CUX2: variants seen among roughly 807,000 people sequenced by gnomAD.
The protein encoded by CUX2 is homeobox protein cut-like 2.
In CUX2, 40 loss-of-function variants were observed where a neutral mutation model predicts 144.8. The observed-to-expected ratio is 0.28, with a 90% CI of 0.21 to 0.36. The LOEUF is 0.36. CUX2 is among the 10% of genes least tolerant of loss of function. CUX2 has a pLI of 1.00. For synonymous variants in CUX2, 827 were observed against 875.6 expected, an observed-to-expected ratio of 0.94 and a Z score of 0.98; for missense variants, 1,615 against 1,994.0, an observed-to-expected ratio of 0.81 and a Z score of 3.62.
At chr12:111,085,874 G>A (rs903951407) in intron 1 of CUX2, among the ~76,000 whole-genome samples, 3 of 152,208 alleles carry the variant, frequency 2.0e-5, no homozygotes, top group African/African-American at 7.2e-5. Context: ...GGCTTACACA[G>A]GGCAGATGCT....
At chr12:111,319,044 T>C (rs568918236) in intron 16 of CUX2, among the ~76,000 whole-genome samples, 1 of 152,030 alleles carries the variant, frequency 6.6e-6, no homozygotes, top group South Asian at 2.1e-4. Flanking sequence ...CTGGGCACAG[T>C]GGCTCGAGCC....
intron 1 of CUX2, among the ~76,000 whole-genome samples, chr12:111,121,129 A>G (rs1874635722): frequency 6.6e-6 from 1 of 151,402 alleles, no homozygotes; most frequent in African/African-American, 2.4e-5. Flanking sequence ...ACAACCCACA[A>G]CTAACTCGAT....
In CUX2 at chr12:111,192,481, G is replaced by A. The variant is rs116782025; in HGVS notation, c.64-21719G>A. 7.1e-3 allele frequency among the ~76,000 whole-genome samples: 1,078 copies of A among 152,084 alleles called. 17 individuals are homozygous for A. Among genetic ancestry groups the A allele is most frequent in the African/African-American group, 0.025 (1,020 of 41,470 alleles). On this transcript the variant is annotated intron_variant, in intron 1 of 21. Coordinates refer to ENST00000261726, the MANE Select transcript of CUX2 (RefSeq NM_015267.4). ...GCTCCTCCAGCCCTTTCTTTTCCCC[G>A]AGAACTACATAACCTGCCTTCCAGC...
At chr12:111,196,103 A>T (rs1266977649) in intron 1 of CUX2, among the ~76,000 whole-genome samples, 4 of 152,180 alleles carry the variant, frequency 2.6e-5, no homozygotes, top group African/African-American at 9.7e-5. Context: ...TACAAATGGG[A>T]TTATACAATC....
intron 3 of CUX2, among the ~76,000 whole-genome samples, chr12:111,229,033 T>C (rs1454231177): frequency 6.6e-6 from 1 of 152,106 alleles, no homozygotes; most frequent in African/African-American, 2.4e-5. Flanking sequence ...AGGTAATAGA[T>C]ATAAAGGCGT....
At chr12:111,114,946 G>A (rs575300937) in intron 1 of CUX2, among the ~76,000 whole-genome samples, 51 of 152,258 alleles carry the variant, frequency 3.3e-4, no homozygotes, top group African/African-American at 1.2e-3. Context: ...CCATTGTTTT[G>A]ATTCCTTTAT....
At chr12:111,303,221 GAAAAA>G (rs5800927) in intron 9 of CUX2, among the ~76,000 whole-genome samples, 3,042 of 49,214 alleles carry the variant, frequency 0.062, 66 homozygotes, top group East Asian at 0.15. Context: ...ACCCTGTCTC[GAAAAA>G]AAAAAAAAAA....
intron 9 of CUX2, among the ~76,000 whole-genome samples, chr12:111,301,296 GA>G (rs1886280470): frequency 6.6e-6 from 1 of 152,128 alleles, no homozygotes; most frequent in Non-Finnish European, 1.5e-5. Context: ...CCTGGGGTGA[GA>G]AAATGAGAAC....
At position 111,334,556 on chromosome 12, in the gene CUX2, G is replaced by T. The variant is rs1182462754; in HGVS notation, c.3042G>T (p.Gln1014His). Residue 1014 changes from glutamine to histidine, a missense_variant, in exon 19 of 22, where the codon CAG (glutamine) becomes CAT (histidine). Transcript: ENST00000261726. The part of the protein sequence containing the change: ...LSLESSKENQ[Q>H]PEGRSSSSLS... ...TGGAGAGCAGCAAGGAGAACCAGCA[G>T]CCAGAGGGCCGCTCCAGCTCCTCGT... 6.2e-7 allele frequency: 1 copy of T among 1,613,884 alleles called. No homozygotes were observed. The highest frequency in any genetic ancestry group is 8.5e-7 in the Non-Finnish European group (1 of 1,180,022).
chr12:111,328,474 T>C (rs1027803943), intron 18 of CUX2, among the ~76,000 whole-genome samples: 2 of 152,088 alleles, frequency 1.3e-5, no homozygotes, highest in African/African-American at 4.8e-5. Context: ...ATCCGAGGTT[T>C]CTCAGAATTC....
At chr12:111,275,077 A>G (rs1884802181) in intron 4 of CUX2, among the ~76,000 whole-genome samples, 1 of 152,120 alleles carries the variant, frequency 6.6e-6, no homozygotes, top group South Asian at 2.1e-4. Flanking sequence ...TGGTCTTCAG[A>G]TATTATCAGT....
chr12:111,052,933 C>T (rs1204629244), intron 1 of CUX2, among the ~76,000 whole-genome samples: 1 of 152,198 alleles, frequency 6.6e-6, no homozygotes, highest in African/African-American at 2.4e-5. Flanking sequence ...GCACTGCCTC[C>T]CCAGGATTGC....
chr12:111,042,197 G>C (rs1869780683), intron 1 of CUX2, among the ~76,000 whole-genome samples: 1 of 152,260 alleles, frequency 6.6e-6, no homozygotes, highest in Non-Finnish European at 1.5e-5. Flanking sequence ...AAGCTGGACG[G>C]GGTAAATGGC....
chr12:111,204,393 C>T (rs191246544), intron 1 of CUX2, among the ~76,000 whole-genome samples: 1 of 152,142 alleles, frequency 6.6e-6, no homozygotes, highest in Non-Finnish European at 1.5e-5. Flanking sequence ...CTGTCTTGTC[C>T]CTGGTAACAC....
chr12:111,093,198 C>T (rs1457635440), intron 1 of CUX2, among the ~76,000 whole-genome samples: 4 of 152,214 alleles, frequency 2.6e-5, no homozygotes, highest in African/African-American at 9.6e-5. Flanking sequence ...GGTACATCCA[C>T]CTCTATGTCT....
At chr12:111,269,926 A>G (rs1307618344) in intron 4 of CUX2, among the ~76,000 whole-genome samples, 1 of 152,206 alleles carries the variant, frequency 6.6e-6, no homozygotes, top group African/African-American at 2.4e-5. Flanking sequence ...CGACTTAGAG[A>G]ACAAGGAGCC....
At chr12:111,291,254 T>C (rs1191667254) in intron 4 of CUX2, among the ~76,000 whole-genome samples, 164 bp from the exon 5 acceptor site, 3 of 152,160 alleles carry the variant, frequency 2.0e-5, no homozygotes, top group Admixed American at 6.5e-5. Flanking sequence ...AACAAGTGCC[T>C]GGACAAGCCT....
chr12:111,086,145 A>G (rs1186152703), intron 1 of CUX2, among the ~76,000 whole-genome samples: 1 of 152,202 alleles, frequency 6.6e-6, no homozygotes, highest in Non-Finnish European at 1.5e-5. Context: ...ACCAGCTACC[A>G]ACCTGTCAGT....
intron 18 of CUX2, among the ~76,000 whole-genome samples, chr12:111,326,808 G>A (rs1887843924): frequency 6.6e-6 from 1 of 152,124 alleles, no homozygotes. Flanking sequence ...GGAGGCTAAG[G>A]CGAGAGGATC....
Sources: gnomAD v4.1 joint callset for allele counts (sites outside exome capture counted in the v4.1 genomes callset) on GRCh38, gnomAD v4.1.1 for gene constraint, MANE v1.5 for transcripts, NCBI Gene and HGNC (gene_info 2026-07-23, HGNC 2026-07-21) for gene names.